Variants in NEBL observed in about 807,000 individuals in gnomAD.
NEBL encodes LIM and SH3 protein 2.
Under a neutral mutation model 140.2 loss-of-function variants are expected in NEBL, and 122 were observed. The observed-to-expected ratio is 0.87, with a 90% CI of 0.75 to 1.01. The LOEUF is 1.01. NEBL is among the 50% of genes least tolerant of loss of function. The pLI is 0.00. For missense variants in NEBL, 1,365 were observed against 1,231.3 expected (o/e 1.11, Z -1.62); for synonymous variants, 436 against 398.9 (o/e 1.09, Z -1.11).
At chr10:20,935,677 C>A (rs1426152775) in intron 4 of NEBL, among the ~76,000 whole-genome samples, 1 of 152,166 alleles carries the variant, frequency 6.6e-6, no homozygotes, top group Non-Finnish European at 1.5e-5. Flanking sequence ...ACGGTTTTCT[C>A]CATCCCATCT....
intron 20 of NEBL, among the ~76,000 whole-genome samples, chr10:20,818,318 G>A (rs561900386): frequency 6.6e-6 from 1 of 151,742 alleles, no homozygotes; most frequent in Non-Finnish European, 1.5e-5. Flanking sequence ...GGCTGGGGGT[G>A]GGAGGCCAGC....
intron 26 of NEBL, among the ~76,000 whole-genome samples, chr10:20,792,106 T>C (rs1836046086): frequency 7.4e-6 from 1 of 135,342 alleles, no homozygotes; most frequent in African/African-American, 2.9e-5. Context: ...ATACAGTCGA[T>C]GGCCAAATTC....
chr10:21,283,066 G>A (rs1024160765), intron 1 of NEBL, among the ~76,000 whole-genome samples: 3 of 151,146 alleles, frequency 2.0e-5, no homozygotes, highest in African/African-American at 4.9e-5. Context: ...AACCCAGGAG[G>A]CAGAGGTTGC....
At chr10:21,060,147 T>C (rs1326647246) in intron 2 of NEBL, among the ~76,000 whole-genome samples, 1 of 152,184 alleles carries the variant, frequency 6.6e-6, no homozygotes, top group Non-Finnish European at 1.5e-5. Flanking sequence ...AAGAGGTGCT[T>C]CTAAATGACA....
chr10:20,975,435 C>A (rs1836751180), intron 3 of NEBL, among the ~76,000 whole-genome samples: 1 of 152,056 alleles, frequency 6.6e-6, no homozygotes, highest in Non-Finnish European at 1.5e-5. Context: ...TGCCAATGAG[C>A]CAGGTGGTTC....
intron 26 of NEBL, among the ~76,000 whole-genome samples, chr10:20,798,383 T>C: frequency 6.6e-6 from 1 of 152,044 alleles, no homozygotes; most frequent in Admixed American, 6.5e-5. Context: ...CTGGCTGAAA[T>C]GGAAAGTGGG....
At chr10:20,843,006 G>A (rs556650953) in intron 12 of NEBL, among the ~76,000 whole-genome samples, 17 of 151,938 alleles carry the variant, frequency 1.1e-4, no homozygotes, top group African/African-American at 3.9e-4. Flanking sequence ...CATCATAGTC[G>A]TTATGAACTA....
At chr10:21,186,753 G>C (rs1841477934) in intron 3 of NEBL, among the ~76,000 whole-genome samples, 1 of 151,788 alleles carries the variant, frequency 6.6e-6, no homozygotes, top group Middle Eastern at 3.4e-3. Context: ...TTGTGGCCCA[G>C]GGAAGTCAAA....
At chr10:21,273,106 A>G (rs1430982794) in intron 1 of NEBL, among the ~76,000 whole-genome samples, 2 of 152,186 alleles carry the variant, frequency 1.3e-5, no homozygotes, top group African/African-American at 4.8e-5. Context: ...CCACATGATG[A>G]AATTGGACAG....
intron 5 of NEBL, among the ~76,000 whole-genome samples, chr10:20,871,500 T>C (rs1844926381): frequency 6.6e-6 from 1 of 152,190 alleles, no homozygotes; most frequent in Non-Finnish European, 1.5e-5. Context: ...ATCAACAGGC[T>C]CCCTGTGCGT....
chr10:21,233,670 C>T (rs1201726969), intron 3 of NEBL, among the ~76,000 whole-genome samples: 1 of 139,904 alleles, frequency 7.1e-6, no homozygotes, highest in African/African-American at 2.6e-5. Context: ...AGATATATAT[C>T]TATATATGTA....
chr10:20,896,454 A>G (rs1405878194), intron 2 of NEBL, among the ~76,000 whole-genome samples: 1 of 137,656 alleles, frequency 7.3e-6, no homozygotes. Context: ...GTAATCAACA[A>G]ATCCTGAATT....
chr10:21,094,879 C>T (rs757164044), intron 2 of NEBL, among the ~76,000 whole-genome samples: 2 of 152,158 alleles, frequency 1.3e-5, no homozygotes, highest in Admixed American at 1.3e-4. Context: ...AGACTAGAAC[C>T]CTCTCGTCAT....
chr10:21,064,779 T>C (rs917697340), intron 2 of NEBL, among the ~76,000 whole-genome samples: 5 of 152,134 alleles, frequency 3.3e-5, no homozygotes, highest in African/African-American at 1.2e-4. Context: ...ACCCATTGTG[T>C]CTTAAAGATA....
intron 1 of NEBL, among the ~76,000 whole-genome samples, chr10:21,260,086 G>A (rs1291195676): frequency 6.6e-6 from 1 of 152,200 alleles, no homozygotes; most frequent in Non-Finnish European, 1.5e-5. Context: ...TTCCTGTTAG[G>A]CAAATCAATA....
chr10:21,227,723 C>T (rs1842182497), intron 3 of NEBL, among the ~76,000 whole-genome samples: 1 of 98,022 alleles, frequency 1.0e-5, no homozygotes, highest in South Asian at 3.4e-4. Flanking sequence ...TCTTCTTCTT[C>T]TTCTTCTTCT....
At chr10:21,032,454 C>A (rs1016919409) in intron 2 of NEBL, among the ~76,000 whole-genome samples, 1 of 152,208 alleles carries the variant, frequency 6.6e-6, no homozygotes, top group Non-Finnish European at 1.5e-5. Context: ...GATGTCTATT[C>A]ATGAATTTCC....
intron 2 of NEBL, among the ~76,000 whole-genome samples, chr10:21,164,502 C>A (rs1840681612): frequency 6.6e-6 from 1 of 152,208 alleles, no homozygotes; most frequent in Admixed American, 6.5e-5. Flanking sequence ...TTGCATTAAC[C>A]TTGCATTTCA....
chr10:20,826,324 T>G (rs1160661401), intron 18 of NEBL, 123 bp downstream of exon 18: 1 of 790,398 alleles, frequency 1.3e-6, no homozygotes, highest in Non-Finnish European at 2.2e-6. Context: ...TATGATGAAA[T>G]AGCATTTCAA....
Sources: allele counts gnomAD v4.1 joint callset (sites outside exome capture counted in the v4.1 genomes callset), GRCh38; gene constraint gnomAD v4.1.1; transcripts MANE v1.5; gene names NCBI Gene and HGNC (gene_info 2026-07-23, HGNC 2026-07-21).